The following NAALADL2 variants were observed in gnomAD, a reference collection of about 807,000 sequenced individuals.
The protein encoded by NAALADL2 is inactive N-acetylated-alpha-linked acidic dipeptidase-like protein 2.
In NAALADL2, 76 loss-of-function variants were observed where a neutral mutation model predicts 87.2. That is an observed-to-expected ratio of 0.87 (90% CI 0.72 to 1.05). The LOEUF (loss-of-function observed/expected upper bound fraction) is 1.05, where lower values mean the gene tolerates loss of function less well. Ranked by LOEUF, NAALADL2 falls within the 50% of genes least tolerant of loss-of-function variation. The pLI, the probability that NAALADL2 is intolerant of heterozygous loss-of-function variation, is 0.00. For synonymous variants in NAALADL2, 354 were observed against 331.0 expected, an observed-to-expected ratio of 1.07 and a Z score of -0.75; for missense variants, 1,089 against 945.8, an observed-to-expected ratio of 1.15 and a Z score of -1.99.
chr3:174,914,783 A>T (rs1238753642), intron 1 of NAALADL2, among the ~76,000 whole-genome samples: 4 of 152,202 alleles, frequency 2.6e-5, no homozygotes, highest in African/African-American at 9.6e-5. Flanking sequence ...GCAGTCAGAA[A>T]GGAGTTTGGA....
At chr3:174,888,464 G>C (rs1017545432) in intron 1 of NAALADL2, among the ~76,000 whole-genome samples, 4 of 152,120 alleles carry the variant, frequency 2.6e-5, no homozygotes, top group African/African-American at 9.7e-5. Context: ...CTCACTTCAC[G>C]CAAAGTTGAT....
chr3:174,967,638 T>A (rs1205104849), intron 1 of NAALADL2, among the ~76,000 whole-genome samples: 1 of 152,188 alleles, frequency 6.6e-6, no homozygotes, highest in Non-Finnish European at 1.5e-5. Flanking sequence ...CAAGGTTACT[T>A]TCCTTAAGGG....
At chr3:175,181,703 A>ATATGTGTG (rs1227887005) in intron 2 of NAALADL2, among the ~76,000 whole-genome samples, 1 of 106,844 alleles carries the variant, frequency 9.4e-6, no homozygotes, top group African/African-American at 3.9e-5. Flanking sequence ...ATATATATAT[A>ATATGTGTG]TGTGTGTGTG....
chr3:174,505,913 A>G (rs770945090), intron 1 of NAALADL2, among the ~76,000 whole-genome samples: 6 of 152,106 alleles, frequency 3.9e-5, no homozygotes, highest in Non-Finnish European at 8.8e-5. Flanking sequence ...GGAAAATGAA[A>G]CTTTTCCTAA....
intron 2 of NAALADL2, among the ~76,000 whole-genome samples, chr3:175,192,684 C>T (rs913988548): frequency 1.3e-5 from 2 of 152,006 alleles, no homozygotes; most frequent in Non-Finnish European, 2.9e-5. Context: ...CAAATTATTT[C>T]TGAATGATGA....
intron 1 of NAALADL2, among the ~76,000 whole-genome samples, chr3:174,993,950 C>T (rs1229617085): frequency 1.3e-5 from 2 of 152,210 alleles, no homozygotes; most frequent in Middle Eastern, 3.2e-3. Flanking sequence ...CATTTGCATT[C>T]TCCCTGTGTG....
chr3:174,843,497 A>G (rs1349495276), intron 3 of NAALADL2, among the ~76,000 whole-genome samples: 1 of 152,150 alleles, frequency 6.6e-6, no homozygotes, highest in African/African-American at 2.4e-5. Flanking sequence ...GCTGCAATAA[A>G]CATGGGAGTT....
chr3:175,595,519 AC>A (rs1268030524), intron 10 of NAALADL2, among the ~76,000 whole-genome samples: 1 of 152,106 alleles, frequency 6.6e-6, no homozygotes, highest in Non-Finnish European at 1.5e-5. Context: ...GAACTGATAA[AC>A]AAAGTTATCA....
chr3:174,775,124 C>T (rs751702999), intron 3 of NAALADL2, among the ~76,000 whole-genome samples: 1 of 152,030 alleles, frequency 6.6e-6, no homozygotes, highest in Non-Finnish European at 1.5e-5. Flanking sequence ...CATATATATG[C>T]TTTAATGACC....
intron 1 of NAALADL2, among the ~76,000 whole-genome samples, chr3:174,991,167 A>G (rs2108713308): frequency 6.6e-6 from 1 of 152,256 alleles, no homozygotes; most frequent in Non-Finnish European, 1.5e-5. Context: ...ATTCCTGTAT[A>G]TTTAGTCTTC....
At chr3:175,433,928 G>T (rs767274410) in intron 5 of NAALADL2, among the ~76,000 whole-genome samples, 1 of 151,766 alleles carries the variant, frequency 6.6e-6, no homozygotes, top group Non-Finnish European at 1.5e-5. Context: ...ATTAACCAAG[G>T]GAATTTTTCC....
At chr3:174,887,924 A>C (rs2109770022) in intron 1 of NAALADL2, among the ~76,000 whole-genome samples, 1 of 152,308 alleles carries the variant, frequency 6.6e-6, no homozygotes, top group East Asian at 1.9e-4. Context: ...ACAATAAATA[A>C]AAATACAGAA....
At chr3:174,906,930 T>C (rs1012439300) in intron 1 of NAALADL2, among the ~76,000 whole-genome samples, 8 of 152,140 alleles carry the variant, frequency 5.3e-5, no homozygotes, top group Non-Finnish European at 1.2e-4. Flanking sequence ...TCTTCTTATA[T>C]AATTTTATTT....
At chr3:175,266,602 A>G (rs1174051719) in intron 4 of NAALADL2, among the ~76,000 whole-genome samples, 1 of 151,784 alleles carries the variant, frequency 6.6e-6, no homozygotes, top group Non-Finnish European at 1.5e-5. Flanking sequence ...CTTGGGCTTC[A>G]TAAGTAGATA....
Position 175,181,703 on chromosome 3 carries a change from ATG to A in NAALADL2, c.546-52214_546-52213del, listed in dbSNP as rs1553802433. Among the ~76,000 whole-genome samples, 7 of 106,844 alleles carry A rather than the reference ATG, an allele frequency of 6.6e-5. 1 individual carries two copies. Among genetic ancestry groups the A allele is most frequent in the African/African-American group, 1.2e-4 (3 of 25,810 alleles). The allele number at this position is 106,844 out of a possible 152,430, so 70.1% of individuals were successfully genotyped here. The stretch of plus-strand genomic sequence containing the variant: ...CATATATATATATATATATATATAT[ATG>A]TGTGTGTGTGTGTATATATATGTAT... On this transcript the variant is annotated intron_variant, in intron 2 of 13. Transcript: ENST00000454872.
intron 10 of NAALADL2, among the ~76,000 whole-genome samples, chr3:175,591,792 A>G (rs1260488122): frequency 0.16 from 1,254 of 7,912 alleles, 24 homozygotes; most frequent in African/African-American, 0.27. Context: ...GTGTATATAT[A>G]TATATATATA....
At chr3:175,204,264 A>T (rs1406611639) in intron 2 of NAALADL2, among the ~76,000 whole-genome samples, 8 of 152,216 alleles carry the variant, frequency 5.3e-5, no homozygotes, top group African/African-American at 1.7e-4. Flanking sequence ...AGTGGGTTTC[A>T]TACCAGGGAT....
intron 12 of NAALADL2, among the ~76,000 whole-genome samples, chr3:175,746,446 T>C (rs1451202759): frequency 1.3e-5 from 2 of 152,086 alleles, no homozygotes; most frequent in African/African-American, 2.4e-5. Flanking sequence ...CCTGAGTCTA[T>C]TTCTCAGCCC....
chr3:175,511,368 G>C (rs1378155481), intron 9 of NAALADL2, among the ~76,000 whole-genome samples: 1 of 152,130 alleles, frequency 6.6e-6, no homozygotes, highest in African/African-American at 2.4e-5. Context: ...TGTCAGCCTA[G>C]GTTCTAATTC....
Sources: allele counts gnomAD v4.1 joint callset (sites outside exome capture counted in the v4.1 genomes callset), GRCh38; gene constraint gnomAD v4.1.1; transcripts MANE v1.5; gene names NCBI Gene and HGNC (gene_info 2026-07-23, HGNC 2026-07-21).